The following CLPTM1 variants were observed in gnomAD, a reference collection of about 807,000 sequenced individuals.
The protein encoded by CLPTM1 is CLPTM1 regulator of GABA type A receptor forward trafficking, also known as putative lipid scramblase CLPTM1.
CLPTM1 carries 21 observed loss-of-function variants against 77.3 expected under a neutral mutation model. That is an observed-to-expected ratio of 0.27 (90% CI 0.19 to 0.39). The LOEUF is 0.39. Ranked by LOEUF, CLPTM1 falls within the 10% of genes least tolerant of loss-of-function variation. The pLI is 1.00. For synonymous variants in CLPTM1, 373 were observed against 381.0 expected, an observed-to-expected ratio of 0.98 and a Z score of 0.24; for missense variants, 642 against 921.2, an observed-to-expected ratio of 0.70 and a Z score of 3.92.
chr19:44,987,941 C>A (rs1971007875), intron 8 of CLPTM1, 139 bp from the exon 9 acceptor site: 2 of 704,658 alleles, frequency 2.8e-6, no homozygotes, highest in Non-Finnish European at 5.1e-6. Context: ...CCCATCTGCC[C>A]ATCTCTGACC....
intron 5 of CLPTM1, among the ~76,000 whole-genome samples, chr19:44,980,469 A>G (rs1464046270): frequency 6.8e-6 from 1 of 146,358 alleles, no homozygotes; most frequent in East Asian, 2.0e-4. Flanking sequence ...AGATCGTGCC[A>G]CTGTACTCTA....
At position 44,980,813 on chromosome 19, in the gene CLPTM1, A is replaced by G. The variant is rs561919359; in HGVS notation, c.586+3353A>G. ...ACAAAAAAAAATTTTATTTTATTTT[A>G]TTTATTTTATTTCATTTTATTTATT... is the stretch of plus-strand genomic sequence containing the variant. On this transcript the variant is annotated intron_variant, in intron 5 of 13. Coordinates refer to ENST00000337392, the MANE Select transcript of CLPTM1 (RefSeq NM_001294.4). Among the ~76,000 whole-genome samples, 13 of 151,474 alleles carry G rather than the reference A, an allele frequency of 8.6e-5. No homozygotes were observed. The East Asian group carries it at 1.7e-3, about 20-fold the overall frequency.
In CLPTM1 at chr19:44,991,010, C is replaced by T. The variant is rs1372832180; in HGVS notation, c.1419+65C>T. 1.0e-5 allele frequency: 14 copies of T among 1,389,966 alleles called. No homozygotes were observed. The highest frequency in any genetic ancestry group is 2.4e-5 in the East Asian group (1 of 42,460). The allele number at this position is 1,389,966 out of a possible 1,614,324, so 86.1% of individuals were successfully genotyped here. A position where few individuals can be genotyped will look rare whatever the true frequency, so the allele number is the denominator to read the frequency against. ...AGGTACCACGTATCCCTGAGGCACC[C>T]GGGGCCGGCCATCTGTCTGCCGGAC... is the stretch of plus-strand genomic sequence containing the variant. On this transcript the variant is annotated intron_variant, in intron 11 of 13. Transcript: ENST00000337392. The surrounding 1 kb of genome is among the most constrained non-coding windows in gnomAD (Gnocchi z 5.4).
upstream of CLPTM1, chr19:44,955,335 G>A (rs1600000852): frequency 7.3e-7 from 1 of 1,364,332 alleles, no homozygotes; most frequent in Non-Finnish European, 9.4e-7. Context: ...TCGCGCGATT[G>A]CGCTGCGAAG....
Position 44,990,988 on chromosome 19 carries a change from T to G in CLPTM1, c.1419+43T>G. 7.9e-7 allele frequency: 1 copy of G among 1,271,930 alleles called. No individual in the cohort carries two copies. Among genetic ancestry groups the G allele is most frequent in the Non-Finnish European group, 1.1e-6 (1 of 945,566 alleles). 78.8% of individuals were successfully genotyped at this position (1,271,930 alleles called of 1,614,324 possible). A position where few individuals can be genotyped will look rare whatever the true frequency, so the allele number is the denominator to read the frequency against. ...TGGGCCCCTGGGGGTGGTCTCCAGG[T>G]ACCACGTATCCCTGAGGCACCCGGG... On this transcript the variant is annotated intron_variant, in intron 11 of 13. Transcript: ENST00000337392. The surrounding 1 kb of genome is among the most constrained non-coding windows in gnomAD (Gnocchi z 4.8).
chr19:44,961,594 T>C (rs1048096591), intron 1 of CLPTM1, among the ~76,000 whole-genome samples: 1 of 152,112 alleles, frequency 6.6e-6, no homozygotes, highest in African/African-American at 2.4e-5. Flanking sequence ...CAATGCCCCC[T>C]TCTCCAGGAA....
At chr19:44,988,004 G>A in intron 8 of CLPTM1, 76 bp from the exon 9 acceptor site, 1 of 1,157,602 alleles carries the variant, frequency 8.6e-7, no homozygotes, top group South Asian at 1.2e-5. Flanking sequence ...GCGGCCCCAG[G>A]GGCAGCCCTC....
chr19:44,976,788 A>T (rs1208659985), intron 4 of CLPTM1, among the ~76,000 whole-genome samples: 1 of 152,146 alleles, frequency 6.6e-6, no homozygotes, highest in Non-Finnish European at 1.5e-5. Flanking sequence ...CCATCTGCGT[A>T]CTTGCCACAC....
chr19:44,970,245 A>G (rs941151894), intron 2 of CLPTM1, among the ~76,000 whole-genome samples: 1 of 146,334 alleles, frequency 6.8e-6, no homozygotes, highest in Non-Finnish European at 1.5e-5. Context: ...GGCCTTGCAT[A>G]CTTCGCCCTG....
chr19:44,986,870 C>A, intron 7 of CLPTM1: 1 of 531,282 alleles, frequency 1.9e-6, no homozygotes, highest in Non-Finnish European at 3.3e-6. Context: ...GAAATTGAGG[C>A]AGTATCACTT....
Position 44,991,487 on chromosome 19 carries a change from C to G in CLPTM1, c.1555+114C>G. Reference sequence around the variant, plus strand: ...CAGGGACAACCTAGGGTGGGCAGAGCTGGGATATAGGGAGGCCCGAGGGCA... The same window carrying G: ...CAGGGACAACCTAGGGTGGGCAGAGGTGGGATATAGGGAGGCCCGAGGGCA... On this transcript the variant is annotated intron_variant, in intron 12 of 13. Coordinates refer to ENST00000337392, the MANE Select transcript of CLPTM1 (RefSeq NM_001294.4). The surrounding 1 kb of genome is among the most constrained non-coding windows in gnomAD (Gnocchi z 5.4). The G allele has an allele frequency of 7.3e-7, 1 of 1,368,560 alleles. No individual in the cohort carries two copies. Among genetic ancestry groups the G allele is most frequent in the Non-Finnish European group, 1.0e-6 (1 of 998,532 alleles). 84.8% of individuals were successfully genotyped at this position (1,368,560 alleles called of 1,614,324 possible).
At chr19:44,973,458 G>C (rs1970754240) in intron 3 of CLPTM1, among the ~76,000 whole-genome samples, 1 of 152,200 alleles carries the variant, frequency 6.6e-6, no homozygotes, top group Admixed American at 6.5e-5. Context: ...GTTAAAATAG[G>C]TTAAATCAGG....
chr19:44,988,185 A>T lies in CLPTM1; in HGVS notation c.1132+12A>T, dbSNP rs775107609. ...GGCCTTCAAGAATGGTAGGAACAGG[A>T]CCCCAGGGCTAGTGAGAGGCTGTGC... On this transcript the variant is annotated intron_variant, in intron 9 of 13. Transcript: ENST00000337392. 1.3e-6 allele frequency: 2 copies of T among 1,592,142 alleles called. No homozygotes were observed. Among genetic ancestry groups the T allele is most frequent in the East Asian group, 4.5e-5 (2 of 44,740 alleles).
chr19:44,983,509 C>G (rs180783952), intron 5 of CLPTM1, among the ~76,000 whole-genome samples: 178 of 146,668 alleles, frequency 1.2e-3, no homozygotes, highest in African/African-American at 4.4e-3. Context: ...TCCCAGCTAC[C>G]CAGGAGGCTG....
chr19:44,955,433 C>T lies in CLPTM1; in HGVS notation c.38C>T (p.Ala13Val). Residue 13 changes from alanine to valine, a missense_variant, in exon 1 of 14, where the codon GCC (alanine) becomes GTC (valine). Transcript: ENST00000337392. ...CAGGAGGCGGACGGGGCCCGCAGCG[C>T]CGTGGTGGCGGCCGGGGGAGGCAGC... Reference protein sequence around the residue: ...AAQEADGARSAVVAAGGGSSG... With the variant: ...AAQEADGARSVVVAAGGGSSG... 7.5e-7 allele frequency: 1 copy of T among 1,335,492 alleles called. No homozygotes were observed. The highest frequency in any genetic ancestry group is 9.6e-7 in the Non-Finnish European group (1 of 1,045,604). 82.7% of individuals were successfully genotyped at this position (1,335,492 alleles called of 1,614,324 possible).
chr19:44,960,208 C>T (rs1176463274), intron 1 of CLPTM1, among the ~76,000 whole-genome samples: 3 of 152,306 alleles, frequency 2.0e-5, no homozygotes, highest in Non-Finnish European at 4.4e-5. Flanking sequence ...ACGACCCAGA[C>T]GTCAAAGGGA....
At chr19:44,959,683 C>T (rs938898516) in intron 1 of CLPTM1, among the ~76,000 whole-genome samples, 8 of 152,162 alleles carry the variant, frequency 5.3e-5, no homozygotes, top group African/African-American at 1.9e-4. Context: ...TCCTGGGTAG[C>T]CATTCAGGAT....
At chr19:44,986,694 C>A in intron 7 of CLPTM1, 119 bp downstream of exon 7, 1 of 1,313,588 alleles carries the variant, frequency 7.6e-7, no homozygotes, top group Non-Finnish European at 1.0e-6. Context: ...TCCACCCTCC[C>A]AAGCTCCCAC....
upstream of CLPTM1, chr19:44,954,820 TA>T: frequency 8.2e-7 from 1 of 1,226,440 alleles, no homozygotes; most frequent in Non-Finnish European, 1.1e-6. Context: ...ATTGGAACTC[TA>T]AAAACACAGA....
Sources: gnomAD v4.1 joint callset for allele counts (sites outside exome capture counted in the v4.1 genomes callset) on GRCh38, gnomAD v4.1.1 for gene constraint, Gnocchi (gnomAD v3.1) non-coding constraint, MANE v1.5 for transcripts, NCBI Gene and HGNC (gene_info 2026-07-23, HGNC 2026-07-21) for gene names.